The following DENND2B variants were observed in gnomAD, a reference collection of about 807,000 sequenced individuals.
DENND2B encodes DENN domain containing 2B.
In DENND2B, 32 loss-of-function variants were observed where a neutral mutation model predicts 116.0. The observed-to-expected ratio is 0.28, with a 90% CI of 0.21 to 0.37. DENND2B has a LOEUF of 0.37. Among genes scored for constraint, DENND2B ranks in the 10% least tolerant of loss-of-function variants. The pLI is 1.00. For missense variants in DENND2B, 1,276 were observed against 1,477.7 expected (o/e 0.86, Z 2.24); for synonymous variants, 588 against 583.9 (o/e 1.01, Z -0.10).
intron 4 of DENND2B, among the ~76,000 whole-genome samples, chr11:8,819,082 T>G (rs1014756705): frequency 6.6e-6 from 1 of 152,236 alleles, no homozygotes; most frequent in Non-Finnish European, 1.5e-5. Context: ...GCTTTTAGTA[T>G]TGTTTTATAG....
At chr11:8,857,220 T>C (rs2063225019) in intron 3 of DENND2B, 1 of 152,180 alleles carries the variant, frequency 6.6e-6, no homozygotes. Context: ...CAAACTCTAT[T>C]AGAAAGCTGA....
chr11:8,841,693 T>G (rs1039107660), intron 3 of DENND2B, among the ~76,000 whole-genome samples: 1 of 152,156 alleles, frequency 6.6e-6, no homozygotes, highest in African/African-American at 2.4e-5. Flanking sequence ...ATATGCCACA[T>G]TTCTCCCATT....
chr11:8,809,274 T>C (rs567594396), intron 1 of DENND2B: 11 of 152,354 alleles, frequency 7.2e-5, no homozygotes, highest in East Asian at 5.8e-4. Context: ...AGTGCTTGCA[T>C]TGGCAAGCTG....
intron 1 of DENND2B, among the ~76,000 whole-genome samples, chr11:8,910,235 G>GC (rs1395938928): frequency 6.6e-6 from 1 of 151,656 alleles, no homozygotes; most frequent in Non-Finnish European, 1.5e-5. Flanking sequence ...TCTGCAGACA[G>GC]CCCCGCCTCC....
At chr11:8,894,052 C>A (rs1363231766) in intron 1 of DENND2B, among the ~76,000 whole-genome samples, 11 of 151,778 alleles carry the variant, frequency 7.2e-5, no homozygotes, top group East Asian at 2.0e-4. Flanking sequence ...AAACAGAGAT[C>A]TAGACCAATG....
At chr11:8,761,555 TGCC>T (rs1207683512) in intron 1 of DENND2B, among the ~76,000 whole-genome samples, 2 of 152,238 alleles carry the variant, frequency 1.3e-5, no homozygotes, top group Admixed American at 1.3e-4. Flanking sequence ...GGAATGTTCA[TGCC>T]GCCAAGCTTT....
intron 1 of DENND2B, chr11:8,776,249 C>T: frequency 4.4e-6 from 2 of 456,206 alleles, no homozygotes; most frequent in Non-Finnish European, 8.8e-6. Context: ...ATTTCTGCCC[C>T]ATGTTTCTGG....
chr11:8,774,001 T>C, intron 1 of DENND2B: 1 of 552,538 alleles, frequency 1.8e-6, no homozygotes, highest in Non-Finnish European at 2.3e-6. Flanking sequence ...CTATGAAGCT[T>C]TGGATGTGTT....
intron 1 of DENND2B, chr11:8,809,001 C>T (rs2061135404): frequency 6.6e-6 from 1 of 152,230 alleles, no homozygotes; most frequent in African/African-American, 2.4e-5. Context: ...CAACTACACA[C>T]ACAAGTAGAA....
At chr11:8,713,964 G>C (rs1384377745) in intron 8 of DENND2B, 34 bp downstream of exon 8, 1 of 1,611,982 alleles carries the variant, frequency 6.2e-7, no homozygotes, top group South Asian at 1.1e-5. Flanking sequence ...GCCCTGCTGG[G>C]AGAGCTTCCG....
chr11:8,713,546 A>C (rs1000209833), intron 8 of DENND2B, among the ~76,000 whole-genome samples: 27 of 152,022 alleles, frequency 1.8e-4, no homozygotes, highest in African/African-American at 6.3e-4. Flanking sequence ...TGCCTGGCTA[A>C]TTTTTGTATT....
intron 4 of DENND2B, among the ~76,000 whole-genome samples, chr11:8,817,741 C>T (rs574463943): frequency 1.3e-5 from 2 of 152,272 alleles, no homozygotes; most frequent in Admixed American, 6.5e-5. Context: ...ATACTCACAA[C>T]ATAGGTACTC....
chr11:8,855,186 GA>G (rs2134659949), intron 3 of DENND2B, among the ~76,000 whole-genome samples: 1 of 151,150 alleles, frequency 6.6e-6, no homozygotes, highest in East Asian at 2.0e-4. Context: ...AAAGAAAAGG[GA>G]AGGGAGGGGG....
intron 4 of DENND2B, among the ~76,000 whole-genome samples, chr11:8,839,123 T>C: frequency 6.6e-6 from 1 of 152,122 alleles, no homozygotes; most frequent in East Asian, 1.9e-4. Context: ...AGAATAAAGC[T>C]TGCAACATGA....
rs550700352 is a variant in DENND2B at position 8,855,882 on chromosome 11, C to T, written c.-156+1461G>A. On this transcript the variant is annotated intron_variant, in intron 3 of 6. Coordinates refer to the DENND2B transcript ENST00000524757. ...ATACATTGCTGCTGACTATACTCTC[C>T]TCTGGGAGGAATCCCAGCAAACTAG... Among the ~76,000 whole-genome samples, 137 of 152,306 alleles carry T rather than the reference C, an allele frequency of 9.0e-4. No homozygotes were observed. The Middle Eastern group carries it at 0.02, about 23-fold the overall frequency.
At chr11:8,888,031 T>C (rs1233758081) in intron 1 of DENND2B, among the ~76,000 whole-genome samples, 1 of 152,138 alleles carries the variant, frequency 6.6e-6, no homozygotes, top group Non-Finnish European at 1.5e-5. Context: ...TCTGGTGGAG[T>C]AGGAAGCTGC....
intron 1 of DENND2B, among the ~76,000 whole-genome samples, chr11:8,777,558 G>C (rs997292508): frequency 1.3e-5 from 2 of 152,196 alleles, no homozygotes; most frequent in Non-Finnish European, 2.9e-5. Context: ...ATGGAAAAGA[G>C]AGACCAGCTA....
intron 2 of DENND2B, among the ~76,000 whole-genome samples, chr11:8,741,859 G>C (rs2050269115): frequency 6.6e-6 from 1 of 152,090 alleles, no homozygotes; most frequent in South Asian, 2.1e-4. Context: ...CCAGCCCCTA[G>C]CTACTGAGCC....
intron 1 of DENND2B, among the ~76,000 whole-genome samples, chr11:8,778,704 T>C (rs900479210): frequency 1.3e-5 from 2 of 152,190 alleles, no homozygotes; most frequent in Non-Finnish European, 2.9e-5. Flanking sequence ...CCCACATTAG[T>C]CACTGCTGCA....
Sources: gnomAD v4.1 joint callset for allele counts (sites outside exome capture counted in the v4.1 genomes callset) on GRCh38, gnomAD v4.1.1 for gene constraint, MANE v1.5 for transcripts, NCBI Gene and HGNC (gene_info 2026-07-23, HGNC 2026-07-21) for gene names.